MAGI2: variants seen among roughly 807,000 people sequenced by gnomAD.
MAGI2 encodes membrane associated guanylate kinase, WW and PDZ domain containing 2.
MAGI2 carries 35 observed loss-of-function variants against 133.3 expected under a neutral mutation model. The ratio of observed to expected loss-of-function variants is 0.26; its 90% confidence interval spans 0.20 to 0.35. The LOEUF (loss-of-function observed/expected upper bound fraction) is 0.35. MAGI2 is among the 10% of genes least tolerant of loss of function. MAGI2 has a pLI of 1.00. For missense variants in MAGI2, 1,636 were observed against 1,863.4 expected (o/e 0.88, Z 2.25); for synonymous variants, 729 against 710.6 (o/e 1.03, Z -0.41).
intron 14 of MAGI2, among the ~76,000 whole-genome samples, chr7:78,177,418 GCACA>G (rs3972360): frequency 0.012 from 1,405 of 120,180 alleles, 16 homozygotes; most frequent in African/African-American, 0.031. Flanking sequence ...GTGAATACGC[GCACA>G]CACACACACA....
intron 4 of MAGI2, among the ~76,000 whole-genome samples, chr7:78,507,120 T>A (rs1419253454): frequency 6.6e-6 from 1 of 152,182 alleles, no homozygotes; most frequent in African/African-American, 2.4e-5. Flanking sequence ...GGGGAGATTA[T>A]AGACCTTTTT....
Position 79,378,498 on chromosome 7 carries a change from G to A in MAGI2, c.301+74522C>T, listed in dbSNP as rs190502285. Among the ~76,000 whole-genome samples, 435 of 151,562 alleles carry A rather than the reference G, an allele frequency of 2.9e-3. 3 individuals carry two copies. Among genetic ancestry groups the A allele is most frequent in the Middle Eastern group, 6.8e-3 (2 of 294 alleles). ...TATGACTACAGGAAGAAATTTAAGG[G>A]ATACATGATTTCATTGTCTGGCAGG... On this transcript the variant is annotated intron_variant, in intron 1 of 21. Coordinates refer to ENST00000354212, the MANE Select transcript of MAGI2 (RefSeq NM_012301.4).
intron 1 of MAGI2, among the ~76,000 whole-genome samples, chr7:79,180,288 T>G (rs1238909519): frequency 6.6e-6 from 1 of 152,030 alleles, no homozygotes; most frequent in East Asian, 1.9e-4. Flanking sequence ...TAGTCTGTTT[T>G]CATGCTGCTG....
At chr7:78,658,219 A>C (rs1033284434) in intron 2 of MAGI2, among the ~76,000 whole-genome samples, 6 of 152,208 alleles carry the variant, frequency 3.9e-5, no homozygotes, top group Non-Finnish European at 7.3e-5. Flanking sequence ...AACACAATTA[A>C]ATGAAAGGAA....
chr7:78,986,217 A>G (rs566199086), intron 2 of MAGI2, among the ~76,000 whole-genome samples: 2 of 152,252 alleles, frequency 1.3e-5, no homozygotes, highest in East Asian at 3.9e-4. Context: ...GAAGAATGTA[A>G]ATAAAATTAT....
At chr7:78,192,234 C>G (rs997389025) in intron 12 of MAGI2, among the ~76,000 whole-genome samples, 2 of 152,054 alleles carry the variant, frequency 1.3e-5, no homozygotes, top group African/African-American at 2.4e-5. Context: ...TTTTTCCCCC[C>G]CCAGGAAAAG....
intron 3 of MAGI2, among the ~76,000 whole-genome samples, chr7:78,612,331 A>G (rs907006740): frequency 6.6e-6 from 1 of 152,166 alleles, no homozygotes; most frequent in African/African-American, 2.4e-5. Context: ...TATGTAATAG[A>G]ATTAAATAAA....
intron 2 of MAGI2, among the ~76,000 whole-genome samples, chr7:78,932,131 C>T (rs1341503003): frequency 6.6e-6 from 1 of 152,006 alleles, no homozygotes; most frequent in African/African-American, 2.4e-5. Context: ...AGCACCCTCA[C>T]AAAGCATAAT....
chr7:78,819,088 A>G (rs1377129417), intron 2 of MAGI2, among the ~76,000 whole-genome samples: 4 of 152,150 alleles, frequency 2.6e-5, no homozygotes, highest in South Asian at 2.1e-4. Context: ...TCAGCTTTAG[A>G]TCTAGCCAAG....
intron 1 of MAGI2, among the ~76,000 whole-genome samples, chr7:79,132,058 A>G (rs1820983582): frequency 6.6e-6 from 1 of 152,144 alleles, no homozygotes; most frequent in Admixed American, 6.5e-5. Flanking sequence ...ATACTTTAAA[A>G]CCCAATACAA....
intron 21 of MAGI2, among the ~76,000 whole-genome samples, chr7:78,032,337 C>A (rs1809676102): frequency 6.6e-6 from 1 of 152,124 alleles, no homozygotes; most frequent in Admixed American, 6.5e-5. Flanking sequence ...GCCTCAGCCT[C>A]CCGAGTAGCT....
intron 16 of MAGI2, among the ~76,000 whole-genome samples, chr7:78,148,699 G>A (rs1823561540): frequency 6.6e-6 from 1 of 152,114 alleles, no homozygotes. Flanking sequence ...GTTAGGGGAA[G>A]CAGGCAGCAT....
At chr7:78,209,511 A>T (rs991089032) in intron 10 of MAGI2, among the ~76,000 whole-genome samples, 3 of 151,722 alleles carry the variant, frequency 2.0e-5, no homozygotes, top group African/African-American at 4.8e-5. Context: ...TCTGCCCACC[A>T]TGGCTTCCCA....
At chr7:78,666,099 A>T (rs1165183873) in intron 2 of MAGI2, among the ~76,000 whole-genome samples, 1 of 152,094 alleles carries the variant, frequency 6.6e-6, no homozygotes, top group Admixed American at 6.6e-5. Flanking sequence ...TGCTTATGTA[A>T]CTTTTGCTAT....
chr7:78,646,959 G>T (rs1461803538), intron 2 of MAGI2, among the ~76,000 whole-genome samples: 2 of 152,102 alleles, frequency 1.3e-5, no homozygotes, highest in Non-Finnish European at 2.9e-5. Context: ...TGAGATACAG[G>T]CTACTTGAAT....
At chr7:78,325,204 T>C (rs563915671) in intron 9 of MAGI2, among the ~76,000 whole-genome samples, 1 of 152,322 alleles carries the variant, frequency 6.6e-6, no homozygotes, top group South Asian at 2.1e-4. Context: ...GAGTATAGGC[T>C]AAATGAATCC....
intron 2 of MAGI2, among the ~76,000 whole-genome samples, chr7:78,997,084 T>C (rs1806375071): frequency 6.6e-6 from 1 of 152,172 alleles, no homozygotes. Context: ...TAGTCTTGTC[T>C]TTGGAGGACA....
intron 2 of MAGI2, among the ~76,000 whole-genome samples, chr7:78,685,767 AAG>A (rs1816232147): frequency 2.0e-5 from 3 of 151,880 alleles, no homozygotes; most frequent in Non-Finnish European, 2.9e-5. Flanking sequence ...GAAGGGGATA[AAG>A]AGAGACAAGG....
intron 2 of MAGI2, among the ~76,000 whole-genome samples, chr7:78,819,009 A>G (rs1424564728): frequency 6.6e-6 from 1 of 152,124 alleles, no homozygotes; most frequent in African/African-American, 2.4e-5. Context: ...AGATATGGTT[A>G]TTCACTTTAC....
Sources: gnomAD v4.1 joint callset for allele counts (sites outside exome capture counted in the v4.1 genomes callset) on GRCh38, gnomAD v4.1.1 for gene constraint, MANE v1.5 for transcripts, NCBI Gene and HGNC (gene_info 2026-07-23, HGNC 2026-07-21) for gene names.